The following GLI3 variants were observed in gnomAD, a reference collection of about 807,000 sequenced individuals.
GLI3 encodes the protein transcription activator GLI3.
In GLI3, 20 loss-of-function variants were observed where a neutral mutation model predicts 100.8. The observed-to-expected ratio is 0.20, with a 90% CI of 0.14 to 0.29. GLI3 has a LOEUF of 0.29. Among genes scored for constraint, GLI3 ranks in the 10% least tolerant of loss-of-function variants. The pLI is 1.00. For missense variants in GLI3, 2,040 were observed against 2,128.5 expected (o/e 0.96, Z 0.82); for synonymous variants, 938 against 860.5 (o/e 1.09, Z -1.58).
At chr7:42,217,383 C>A (rs1282326189) in intron 2 of GLI3, among the ~76,000 whole-genome samples, 16 of 152,066 alleles carry the variant, frequency 1.1e-4, no homozygotes, top group Admixed American at 1.0e-3. Flanking sequence ...AGAGTCGGGG[C>A]TCTTATTAGA....
chr7:42,096,674 C>T (rs920684598), intron 3 of GLI3, among the ~76,000 whole-genome samples: 2 of 152,184 alleles, frequency 1.3e-5, no homozygotes, highest in Non-Finnish European at 1.5e-5. Flanking sequence ...CAGCCACATC[C>T]CTCTCTGCCT....
At chr7:42,254,690 A>AT (rs1429111126) in intron 1 of GLI3, among the ~76,000 whole-genome samples, 1 of 152,010 alleles carries the variant, frequency 6.6e-6, no homozygotes, top group Non-Finnish European at 1.5e-5. Context: ...TAAAATCCAA[A>AT]TTTTTTTCTG....
intron 2 of GLI3, among the ~76,000 whole-genome samples, chr7:42,155,161 C>G (rs1034131334): frequency 1.4e-4 from 21 of 152,246 alleles, no homozygotes; most frequent in African/African-American, 5.1e-4. Context: ...TCCATCAGGC[C>G]AAGCGTGGTG....
rs767546154 is a variant in GLI3, at chr7:41,965,560, G to A, written c.3513C>T (p.Asp1171=). 6 of 1,605,422 alleles carry A rather than the reference G, an allele frequency of 3.7e-6. No individual in the cohort carries two copies. The South Asian group carries it at 6.6e-5, about 18-fold the overall frequency. ...QWNEVSSGSA[D]LSSSKLKCGP... ...CACACTTGAGCTTGGAGGAGGACAG[G>A]TCGGCGCTTCCGGAGCTGACTTCGT... The change falls in exon 15 of 15, where the codon GAC becomes GAT. Residue 1171 remains aspartate (D), a synonymous_variant. Transcript: ENST00000395925.
chr7:42,043,223 A>G (rs1362059558), intron 6 of GLI3, among the ~76,000 whole-genome samples: 1 of 152,222 alleles, frequency 6.6e-6, no homozygotes, highest in Non-Finnish European at 1.5e-5. Flanking sequence ...ATTTCTGGGC[A>G]ATCTTCTTAT....
chr7:42,261,724 G>A (rs1403936701), intron 1 of GLI3, among the ~76,000 whole-genome samples: 1 of 152,204 alleles, frequency 6.6e-6, no homozygotes, highest in Admixed American at 6.5e-5. Context: ...ATGAGGCAGT[G>A]CCTGATTATA....
At chr7:42,064,885 C>T (rs1266411192) in intron 4 of GLI3, among the ~76,000 whole-genome samples, 1 of 152,124 alleles carries the variant, frequency 6.6e-6, no homozygotes. Flanking sequence ...GGAACACAGG[C>T]AGAGAGCCTC....
chr7:42,007,420 A>T (rs1194543717), intron 10 of GLI3, among the ~76,000 whole-genome samples: 3 of 152,298 alleles, frequency 2.0e-5, no homozygotes, highest in South Asian at 2.1e-4. Flanking sequence ...AAACTCAATG[A>T]TCACACCAAG....
At chr7:42,015,648 C>T (rs1277674617) in intron 10 of GLI3, among the ~76,000 whole-genome samples, 18 of 151,744 alleles carry the variant, frequency 1.2e-4, no homozygotes, top group Admixed American at 1.2e-3. Context: ...AGAAAACGGG[C>T]TTGGCTGGTT....
At chr7:42,046,773 G>C (rs73688630) in intron 5 of GLI3, among the ~76,000 whole-genome samples, 294 of 152,178 alleles carry the variant, frequency 1.9e-3, no homozygotes, top group African/African-American at 6.7e-3. Flanking sequence ...CAACTCCCAA[G>C]GACTTGAAGG....
At position 41,972,469 on chromosome 7, in the gene GLI3, G is replaced by T; in HGVS notation, c.1971C>A (p.Gly657=). ...CAGGCGACCTGGACTGTGAATGGCTGCCGGAATCTCTCGGGGGTGGCGGCC... is the reference window on the plus strand; with the variant it reads ...CAGGCGACCTGGACTGTGAATGGCTTCCGGAATCTCTCGGGGGTGGCGGCC... ...HPRPPPPRDS[G]SHSQSRSPGR... is the part of the protein sequence containing the mutation. The change falls in exon 13 of 15, where the codon GGC becomes GGA. Residue 657 remains glycine, a synonymous_variant. Coordinates refer to ENST00000395925, the MANE Select transcript of GLI3 (RefSeq NM_000168.6). The surrounding 1 kb of genome is among the most constrained non-coding windows in gnomAD (Gnocchi z 4.4). 1 of 1,613,784 alleles carries T rather than the reference G, an allele frequency of 6.2e-7. No individual in the cohort carries two copies. The highest frequency in any genetic ancestry group is 8.5e-7 in the Non-Finnish European group (1 of 1,180,008).
At chr7:42,091,012 AGGGCCAACTACCCAGGCATG>A (rs1425407438) in intron 3 of GLI3, among the ~76,000 whole-genome samples, 1 of 152,274 alleles carries the variant, frequency 6.6e-6, no homozygotes, top group Non-Finnish European at 1.5e-5. Context: ...AAGCTACAGC[AGGGCCAACTACCCAGGCATG>A]GGGCCTGTGC....
intron 1 of GLI3, among the ~76,000 whole-genome samples, chr7:42,251,627 C>A (rs1789033365): frequency 6.6e-6 from 1 of 152,066 alleles, no homozygotes; most frequent in African/African-American, 2.4e-5. Flanking sequence ...GAAGAGCTGG[C>A]ATTTGGGGGT....
chr7:41,971,877 T>C (rs1001571715), intron 13 of GLI3, among the ~76,000 whole-genome samples: 5 of 152,154 alleles, frequency 3.3e-5, no homozygotes, highest in African/African-American at 4.8e-5. Flanking sequence ...GAATCCTCTT[T>C]ACACAGACTT....
intron 2 of GLI3, among the ~76,000 whole-genome samples, chr7:42,199,144 G>A (rs765445287): frequency 1.3e-5 from 2 of 152,036 alleles, no homozygotes; most frequent in South Asian, 2.1e-4. Context: ...GAAGCAGCAG[G>A]GCTTTGAAAA....
At chr7:42,255,721 A>G (rs1287558104) in intron 1 of GLI3, among the ~76,000 whole-genome samples, 2 of 152,162 alleles carry the variant, frequency 1.3e-5, no homozygotes, top group Non-Finnish European at 2.9e-5. Context: ...ATTGATAGGC[A>G]TTTGGCTTGT....
chr7:42,111,900 T>G (rs1040219750), intron 3 of GLI3, among the ~76,000 whole-genome samples: 2 of 152,078 alleles, frequency 1.3e-5, no homozygotes, highest in African/African-American at 4.8e-5. Context: ...GTATGGGGAA[T>G]GTTAAAGCAA....
At position 42,023,579 on chromosome 7, in the gene GLI3, C is replaced by T. The variant is rs150161845; in HGVS notation, c.1386G>A (p.Lys462=). The T allele has an allele frequency of 1.4e-4, 227 of 1,610,294 alleles. No homozygotes were observed. The African/African-American group carries it at 2.7e-3, about 19-fold the overall frequency. ...QEQPEGTTLV[K]EEGDKDESKQ... is the part of the protein sequence containing the mutation. ...TGCTTTCATCTTTGTCCCCTTCCTC[C>T]TTGACAAGGGTTGTTCCTTCGGGCT... The change falls in exon 10 of 15, where the codon AAG becomes AAA. Residue 462 remains lysine, a synonymous_variant. Transcript: ENST00000395925.
chr7:42,222,223 G>T (rs573693493), intron 2 of GLI3, among the ~76,000 whole-genome samples: 1 of 152,192 alleles, frequency 6.6e-6, no homozygotes, highest in South Asian at 2.1e-4. Context: ...ACCTGTCTTG[G>T]AATATAGAAA....
Sources: gnomAD v4.1 joint callset for allele counts (sites outside exome capture counted in the v4.1 genomes callset) on GRCh38, gnomAD v4.1.1 for gene constraint, Gnocchi (gnomAD v3.1) non-coding constraint, MANE v1.5 for transcripts, NCBI Gene and HGNC (gene_info 2026-07-23, HGNC 2026-07-21) for gene names.